Variants in CDH17 observed in about 807,000 individuals in gnomAD.
CDH17 encodes the protein cadherin 17.
A neutral mutation model predicts 86.3 loss-of-function variants in CDH17; 67 were observed. The observed-to-expected ratio is 0.78, with a 90% CI of 0.64 to 0.95. The LOEUF is 0.95. Among genes scored for constraint, CDH17 ranks in the 40% least tolerant of loss-of-function variants. The probability of loss-of-function intolerance (pLI) is 0.00; values close to 1 mark genes in which losing one functional copy is unlikely to be tolerated. For missense variants in CDH17, 993 were observed against 1,017.6 expected (o/e 0.98, Z 0.33); for synonymous variants, 367 against 366.4 (o/e 1.00, Z -0.02).
intron 14 of CDH17, 32 bp downstream of exon 14, chr8:94,148,711 CT>C (rs747725933): frequency 3.8e-4 from 510 of 1,342,526 alleles, no homozygotes; most frequent in Admixed American, 6.4e-4. Flanking sequence ...ATCTGTGTTC[CT>C]TTTTTTTTGT....
chr8:94,146,323 G>A (rs1296308105), intron 14 of CDH17, among the ~76,000 whole-genome samples, 156 bp from the exon 15 acceptor site: 2 of 152,200 alleles, frequency 1.3e-5, no homozygotes, highest in Non-Finnish European at 2.9e-5. Context: ...CATTACTGGT[G>A]AAAAAGTCTT....
chr8:94,172,655 T>G (rs1403066225), intron 7 of CDH17, among the ~76,000 whole-genome samples: 1 of 152,206 alleles, frequency 6.6e-6, no homozygotes, highest in Non-Finnish European at 1.5e-5. Context: ...GAATATGATT[T>G]TGTTCATCTG....
intron 17 of CDH17, among the ~76,000 whole-genome samples, chr8:94,130,134 T>C (rs755963002): frequency 2.0e-5 from 3 of 152,202 alleles, no homozygotes; most frequent in Admixed American, 6.5e-5. Flanking sequence ...TGGGTTATTC[T>C]GGGTAGTAAA....
Position 94,165,910 on chromosome 8 carries a change from T to A in CDH17, c.1133A>T (p.Asn378Ile). 2 of 1,613,874 alleles carry A rather than the reference T, an allele frequency of 1.2e-6. No homozygotes were observed. Among genetic ancestry groups the A allele is most frequent in the Admixed American group, 3.3e-5 (2 of 60,004 alleles). ...DEENTANSFL[N>I]YRIVEQTPKL... ...GGGAGTTTGCTCCACAATCCTGTAG[T>A]TTAGAAAACTGTTGGCAGTATTTTC... Residue 378 changes from asparagine (N) to isoleucine (I), a missense_variant, in exon 10 of 18, where the codon AAC (asparagine) becomes ATC (isoleucine). Physicochemically the swap from Asn to Ile is moderately radical, Grantham distance 149. Transcript: ENST00000027335.
intron 13 of CDH17, among the ~76,000 whole-genome samples, chr8:94,149,798 C>G (rs1232324126): frequency 6.6e-6 from 1 of 152,154 alleles, no homozygotes; most frequent in African/African-American, 2.4e-5. Context: ...TTCAACGGAG[C>G]TCATTGGTAG....
At chr8:94,130,768 T>C in intron 16 of CDH17, 29 bp from the exon 17 acceptor site, 5 of 1,582,612 alleles carry the variant, frequency 3.2e-6, no homozygotes, top group Non-Finnish European at 4.3e-6. Flanking sequence ...TTTGGTAGGA[T>C]AAATTCTCAA....
chr8:94,135,845 C>T (rs1262655108), intron 15 of CDH17, among the ~76,000 whole-genome samples: 2 of 152,152 alleles, frequency 1.3e-5, no homozygotes, highest in Non-Finnish European at 2.9e-5. Flanking sequence ...GTAAGGCAGG[C>T]CTGGTGGTGA....
chr8:94,168,301 GTT>G (rs34513341), intron 9 of CDH17, among the ~76,000 whole-genome samples: 13 of 121,624 alleles, frequency 1.1e-4, no homozygotes, highest in African/African-American at 1.3e-4. Flanking sequence ...AATTTTTGCA[GTT>G]TTTTTTTTTT....
intron 2 of CDH17, among the ~76,000 whole-genome samples, chr8:94,194,017 C>G (rs1031339686): frequency 6.6e-6 from 1 of 151,616 alleles, no homozygotes; most frequent in Non-Finnish European, 1.5e-5. Flanking sequence ...TTGGGGGCAA[C>G]CTTTATGAAC....
At chr8:94,170,277 C>T (rs1224645636) in intron 9 of CDH17, 120 bp downstream of exon 9, 2 of 1,031,186 alleles carry the variant, frequency 1.9e-6, no homozygotes, top group East Asian at 2.4e-5. Flanking sequence ...TACAGTCAAC[C>T]TCTATGCTGT....
At chr8:94,196,265 T>C (rs897059626) in intron 1 of CDH17, among the ~76,000 whole-genome samples, 1 of 152,230 alleles carries the variant, frequency 6.6e-6, no homozygotes, top group Non-Finnish European at 1.5e-5. Context: ...CTGAAAATTT[T>C]ACATGCCCTA....
At chr8:94,163,776 G>C (rs1216781423) in intron 10 of CDH17, among the ~76,000 whole-genome samples, 1 of 152,176 alleles carries the variant, frequency 6.6e-6, no homozygotes, top group Non-Finnish European at 1.5e-5. Context: ...TTACAACCAA[G>C]TGGATATTGA....
Position 94,165,789 on chromosome 8 carries a change from G to A in CDH17, c.1254C>T (p.Tyr418=). The A allele has an allele frequency of 6.2e-7, 1 of 1,612,722 alleles. No homozygotes were observed. The highest frequency in any genetic ancestry group is 2.2e-5 in the East Asian group (1 of 44,846). ...TGTCAGACACCTCTATCGTTAAGTT[G>A]TACTGAGGAGTATCTTGCTTCTTCA... The part of the protein sequence containing the change: ...QSLKKQDTPQ[Y]NLTIEVSDKD... The change falls in exon 10 of 18, where the codon TAC becomes TAT. Residue 418 remains tyrosine (Y), a synonymous_variant. Transcript: ENST00000027335.
chr8:94,212,392 C>T (rs1814137236), upstream of CDH17, among the ~76,000 whole-genome samples: 1 of 152,170 alleles, frequency 6.6e-6, no homozygotes. Context: ...CTGCCCACCT[C>T]AGCCTCTTAA....
At chr8:94,189,392 A>G (rs1813643058) in intron 2 of CDH17, 107 bp from the exon 3 acceptor site, 1 of 753,018 alleles carries the variant, frequency 1.3e-6, no homozygotes. Flanking sequence ...GGATTCTATC[A>G]TGGCTGAAAT....
chr8:94,160,744 T>G (rs748438694), intron 11 of CDH17, among the ~76,000 whole-genome samples: 3 of 152,214 alleles, frequency 2.0e-5, no homozygotes, highest in Non-Finnish European at 4.4e-5. Flanking sequence ...AGACAATGCA[T>G]GTAAAGCTCC....
chr8:94,165,493 C>A (rs1563575720), intron 10 of CDH17, among the ~76,000 whole-genome samples: 2 of 152,060 alleles, frequency 1.3e-5, no homozygotes. Context: ...CTCACGGGCT[C>A]CCCCCAATAA....
At chr8:94,146,270 A>G (rs139816243) in intron 14 of CDH17, 103 bp from the exon 15 acceptor site, 219 of 1,076,994 alleles carry the variant, frequency 2.0e-4, no homozygotes, top group Non-Finnish European at 2.6e-4. Context: ...GTACACTGAG[A>G]TGCTAGAAAG....
chr8:94,130,186 T>A (rs1201292089), intron 17 of CDH17, among the ~76,000 whole-genome samples: 1 of 152,132 alleles, frequency 6.6e-6, no homozygotes, highest in East Asian at 1.9e-4. Flanking sequence ...CACTACACAT[T>A]TCAGATATCT....
Sources: allele counts gnomAD v4.1 joint callset (sites outside exome capture counted in the v4.1 genomes callset), GRCh38; gene constraint gnomAD v4.1.1; transcripts MANE v1.5; gene names NCBI Gene and HGNC (gene_info 2026-07-23, HGNC 2026-07-21).